Variants in PSME4 observed in about 807,000 individuals in gnomAD.
The protein encoded by PSME4 is proteasome activator complex subunit 4.
A neutral mutation model predicts 253.9 loss-of-function variants in PSME4; 89 were observed. The ratio of observed to expected loss-of-function variants is 0.35; its 90% CI spans 0.30 to 0.42. PSME4 has a LOEUF of 0.42. PSME4 is among the 10% of genes least tolerant of loss of function. PSME4 has a pLI of 1.00. For synonymous variants in PSME4, 851 were observed against 759.2 expected, an observed-to-expected ratio of 1.12 and a Z score of -1.99; for missense variants, 2,014 against 2,195.2, an observed-to-expected ratio of 0.92 and a Z score of 1.65.
intron 44 of PSME4, among the ~76,000 whole-genome samples, chr2:53,868,052 A>T (rs1301014448): frequency 6.6e-6 from 1 of 152,142 alleles, no homozygotes; most frequent in Non-Finnish European, 1.5e-5. Context: ...CACATGGAAA[A>T]TAGGGAGTTG....
intron 1 of PSME4, among the ~76,000 whole-genome samples, chr2:53,966,292 T>C (rs1327732962): frequency 6.6e-6 from 1 of 151,862 alleles, no homozygotes; most frequent in Non-Finnish European, 1.5e-5. Context: ...TCAAAAAATA[T>C]AAAAATAAAA....
chr2:53,964,329 T>C (rs1195887807), intron 1 of PSME4, among the ~76,000 whole-genome samples: 3 of 152,198 alleles, frequency 2.0e-5, no homozygotes, highest in Non-Finnish European at 4.4e-5. Flanking sequence ...CTCTCAGAAA[T>C]AAAATTTTTG....
intron 34 of PSME4, 72 bp downstream of exon 34, chr2:53,894,918 AAAAGAAGAAGAAGAACT>A (rs1680074754): frequency 1.7e-6 from 2 of 1,174,162 alleles, no homozygotes; most frequent in Non-Finnish European, 1.2e-6. Flanking sequence ...ATTAAGAAAA[AAAAGAAGAAGAAGAACT>A]GAAGTGAGGT....
In PSME4 at chr2:53,874,267, C is replaced by T. The variant is rs140129680; in HGVS notation, c.5100+72G>A. On this transcript the variant is annotated intron_variant, in intron 43 of 46. Transcript: ENST00000404125. The stretch of plus-strand genomic sequence containing the variant: ...AAACAATTGCACCTGGCCGCAAATA[C>T]TTATTAAAAAGGGAACCATGATGGT... The T allele has an allele frequency of 2.5e-4, 360 of 1,452,530 alleles. 1 individual carries two copies. In the African/African-American group the frequency reaches 4.6e-3, roughly 19 times the overall value. 90.0% of individuals were successfully genotyped at this position (1,452,530 alleles called of 1,614,324 possible).
intron 1 of PSME4, among the ~76,000 whole-genome samples, chr2:53,960,458 G>A (rs983505547): frequency 2.0e-5 from 3 of 150,324 alleles, no homozygotes; most frequent in Non-Finnish European, 2.9e-5. Context: ...GATTAAGAAT[G>A]CATATTTCGG....
At position 53,940,967 on chromosome 2, in the gene PSME4, A is replaced by ATACATATT. The variant is rs1669407417; in HGVS notation, c.501-968_501-967insAATATGTA. Among the ~76,000 whole-genome samples, 8 of 69,886 alleles carry ATACATATT rather than the reference A, an allele frequency of 1.1e-4. 1 individual carries two copies. Among genetic ancestry groups the ATACATATT allele is most frequent in the Non-Finnish European group, 2.2e-4 (7 of 31,692 alleles). The allele number at this position is 69,886 out of a possible 152,430, so 45.8% of individuals were successfully genotyped here. ...TATATATATACATATATATATATAT[A>ATACATATT]TATATATATATATATATATATATAT... On this transcript the variant is annotated intron_variant, in intron 3 of 46. Coordinates refer to ENST00000404125, the MANE Select transcript of PSME4 (RefSeq NM_014614.3).
rs56940130 is a variant in PSME4, at chr2:53,964,657, C to T, written c.242+5886G>A. ...TCAAACATTAGATACTCTTAGGTGC[C>T]TCATACCAGACAATGCAGATTCAGC... On this transcript the variant is annotated intron_variant, in intron 1 of 46. Transcript: ENST00000404125. Among the ~76,000 whole-genome samples, 306 of 152,302 alleles carry T rather than the reference C, an allele frequency of 2.0e-3. 9 individuals carry two copies. The East Asian group carries it at 0.043, about 21-fold the overall frequency.
chr2:53,910,885 A>G (rs1406000206), intron 20 of PSME4, among the ~76,000 whole-genome samples: 1 of 152,232 alleles, frequency 6.6e-6, no homozygotes, highest in African/African-American at 2.4e-5. Flanking sequence ...CAAAGCTTTT[A>G]TTAATCAAAG....
In PSME4 at chr2:53,970,738, C is replaced by T. The variant is rs992992855; in HGVS notation, c.47G>A (p.Gly16Asp). The T allele has an allele frequency of 1.0e-5, 16 of 1,547,010 alleles. No homozygotes were observed. The African/African-American group carries it at 2.1e-4, about 20-fold the overall frequency. The change falls in exon 1 of 47, where the codon GGC becomes GAC. Residue 16 changes from glycine to aspartate, a missense_variant. By Grantham distance (94) the Gly-to-Asp change is moderately conservative. This residue lies in a region of PSME4 where 615 missense variants were observed against 594.4 expected (regional missense o/e 1.03). Transcript: ENST00000404125. ...RAGVGEPPEP[G>D]GRPEPGPRGF... ...CCGCGGGCCCGGCTCGGGACGCCCGCCCGGCTCCGGGGGCTCTCCGACTCC... is the reference window on the plus strand; with the variant it reads ...CCGCGGGCCCGGCTCGGGACGCCCGTCCGGCTCCGGGGGCTCTCCGACTCC...
intron 43 of PSME4, among the ~76,000 whole-genome samples, chr2:53,873,090 A>C (rs1287061421): frequency 6.6e-6 from 1 of 151,794 alleles, no homozygotes; most frequent in African/African-American, 2.4e-5. Context: ...AATACAAAAA[A>C]TTAGCCAGGC....
At chr2:53,959,950 A>C (rs1273051360) in intron 1 of PSME4, among the ~76,000 whole-genome samples, 1 of 152,252 alleles carries the variant, frequency 6.6e-6, no homozygotes, top group Non-Finnish European at 1.5e-5. Flanking sequence ...AATAAAATAA[A>C]GCATTAACAG....
intron 26 of PSME4, among the ~76,000 whole-genome samples, chr2:53,905,660 T>C (rs907036964): frequency 6.6e-6 from 1 of 152,126 alleles, no homozygotes; most frequent in African/African-American, 2.4e-5. Context: ...GTTCAAGACC[T>C]GAGTTCATGG....
intron 4 of PSME4, among the ~76,000 whole-genome samples, chr2:53,937,951 C>T (rs1669200468): frequency 6.6e-6 from 1 of 151,684 alleles, no homozygotes; most frequent in African/African-American, 2.4e-5. Context: ...CAAGACTGCA[C>T]CATTGCACTC....
intron 3 of PSME4, among the ~76,000 whole-genome samples, chr2:53,946,716 T>A (rs1669726134): frequency 6.6e-6 from 1 of 152,042 alleles, no homozygotes; most frequent in African/African-American, 2.4e-5. Flanking sequence ...GGCAACACAG[T>A]GAGACCCTGT....
intron 41 of PSME4, among the ~76,000 whole-genome samples, chr2:53,879,581 T>C (rs1307218953): frequency 2.0e-5 from 3 of 152,078 alleles, no homozygotes; most frequent in Non-Finnish European, 2.9e-5. Flanking sequence ...GATATAAAAA[T>C]ACAAGTGGTT....
At chr2:53,943,053 C>T (rs936039245) in intron 3 of PSME4, among the ~76,000 whole-genome samples, 2 of 152,182 alleles carry the variant, frequency 1.3e-5, no homozygotes, top group African/African-American at 4.8e-5. Flanking sequence ...TATAAACTTG[C>T]AGATTTATGC....
At chr2:53,921,643 C>A (rs1296154991) in intron 17 of PSME4, among the ~76,000 whole-genome samples, 1 of 142,776 alleles carries the variant, frequency 7.0e-6, no homozygotes, top group Non-Finnish European at 1.5e-5. Flanking sequence ...CCGAGGCGGG[C>A]GGATCACGAG....
intron 29 of PSME4, among the ~76,000 whole-genome samples, chr2:53,898,669 A>G (rs1258147822): frequency 6.6e-6 from 1 of 150,664 alleles, no homozygotes; most frequent in East Asian, 2.0e-4. Flanking sequence ...ACACACACAC[A>G]CACGATACAC....
In PSME4 at chr2:53,890,023, T is replaced by C. The variant is rs142678837; in HGVS notation, c.4296+81A>G. The C allele has an allele frequency of 2.8e-4, 303 of 1,065,060 alleles. 1 individual carries two copies. The African/African-American group carries it at 4.5e-3, about 16-fold the overall frequency. 66.0% of individuals were successfully genotyped at this position (1,065,060 alleles called of 1,614,324 possible). ...ACCCAAAAAGATTTAAGAAGTGTTA[T>C]GAGATTTCACACACTTTGAGAGACA... On this transcript the variant is annotated intron_variant, in intron 37 of 46. Coordinates refer to ENST00000404125, the MANE Select transcript of PSME4 (RefSeq NM_014614.3).
Sources: allele counts gnomAD v4.1 joint callset (sites outside exome capture counted in the v4.1 genomes callset), GRCh38; gene constraint gnomAD v4.1.1; regional missense constraint gnomAD v4.1.1; transcripts MANE v1.5; gene names NCBI Gene and HGNC (gene_info 2026-07-23, HGNC 2026-07-21).